The following NRG3 variants were observed in gnomAD, a reference collection of about 807,000 sequenced individuals.
NRG3 encodes neuregulin 3.
Under a neutral mutation model 66.9 loss-of-function variants are expected in NRG3, and 31 were observed. The ratio of observed to expected loss-of-function variants is 0.46; its 90% confidence interval spans 0.35 to 0.63. NRG3 has a LOEUF of 0.63. Among genes scored for constraint, NRG3 ranks in the 20% least tolerant of loss-of-function variants. NRG3 has a pLI of 0.00. For missense variants in NRG3, 910 were observed against 878.9 expected (o/e 1.04, Z -0.45); for synonymous variants, 393 against 359.4 (o/e 1.09, Z -1.06).
intron 4 of NRG3, among the ~76,000 whole-genome samples, chr10:82,876,631 A>G (rs1280375746): frequency 6.6e-6 from 1 of 152,204 alleles, no homozygotes; most frequent in Non-Finnish European, 1.5e-5. Flanking sequence ...AAATATCTCA[A>G]CTGCACGTGA....
chr10:82,897,574 A>G (rs1843781522), intron 4 of NRG3, among the ~76,000 whole-genome samples: 1 of 152,114 alleles, frequency 6.6e-6, no homozygotes, highest in Non-Finnish European at 1.5e-5. Context: ...GCTGAAGTGC[A>G]GTGGTGGGAT....
intron 2 of NRG3, among the ~76,000 whole-genome samples, chr10:82,526,346 A>T (rs544006884): frequency 6.3e-4 from 95 of 151,968 alleles, no homozygotes; most frequent in African/African-American, 2.0e-3. Context: ...ATTAAAATTG[A>T]AAGTACAAAT....
intron 2 of NRG3, among the ~76,000 whole-genome samples, chr10:82,481,360 G>A (rs553048667): frequency 4.6e-5 from 7 of 152,194 alleles, no homozygotes; most frequent in East Asian, 1.9e-4. Flanking sequence ...AAAGTGCAGC[G>A]TGTCTGATCC....
chr10:82,364,062 A>T (rs1187606417), intron 2 of NRG3, among the ~76,000 whole-genome samples: 6 of 152,142 alleles, frequency 3.9e-5, no homozygotes, highest in Non-Finnish European at 7.3e-5. Context: ...AAATTTTCTA[A>T]CATCTCTATA....
chr10:82,499,887 A>G (rs969366034), intron 2 of NRG3, among the ~76,000 whole-genome samples: 3 of 152,192 alleles, frequency 2.0e-5, no homozygotes, highest in African/African-American at 4.8e-5. Context: ...GTGATAATCT[A>G]ACAAAGAGTT....
chr10:82,202,884 A>C (rs2074918913), intron 1 of NRG3, among the ~76,000 whole-genome samples: 1 of 152,194 alleles, frequency 6.6e-6, no homozygotes, highest in African/African-American at 2.4e-5. Context: ...CTATTAGACT[A>C]TATAAAAGTC....
At chr10:82,979,757 T>C (rs1837853227) in intron 8 of NRG3, among the ~76,000 whole-genome samples, 1 of 152,202 alleles carries the variant, frequency 6.6e-6, no homozygotes, top group Non-Finnish European at 1.5e-5. Flanking sequence ...GGATGAATGT[T>C]AACCATTATC....
intron 3 of NRG3, among the ~76,000 whole-genome samples, chr10:82,854,131 A>G (rs1164317169): frequency 6.6e-6 from 1 of 152,226 alleles, no homozygotes; most frequent in South Asian, 2.1e-4. Context: ...CACCTAATTA[A>G]TTATGATATA....
intron 4 of NRG3, among the ~76,000 whole-genome samples, chr10:82,866,853 C>G (rs1591774629): frequency 6.6e-6 from 1 of 152,132 alleles, no homozygotes; most frequent in East Asian, 1.9e-4. Flanking sequence ...TGTAAATAAC[C>G]AAACTGAGGT....
At chr10:81,949,669 C>T (rs1849156798) in intron 1 of NRG3, among the ~76,000 whole-genome samples, 1 of 152,032 alleles carries the variant, frequency 6.6e-6, no homozygotes, top group Admixed American at 6.6e-5. Context: ...GTGAAAAAAA[C>T]ACGTTATGAG....
chr10:82,650,415 C>T (rs1345866057), intron 2 of NRG3, among the ~76,000 whole-genome samples: 1 of 152,012 alleles, frequency 6.6e-6, no homozygotes, highest in Non-Finnish European at 1.5e-5. Flanking sequence ...TAGCATCTCA[C>T]TAAGAAGGAA....
At chr10:82,209,801 A>G (rs1156512693) in intron 1 of NRG3, among the ~76,000 whole-genome samples, 2 of 152,258 alleles carry the variant, frequency 1.3e-5, no homozygotes, top group East Asian at 3.9e-4. Context: ...TTTATCTAAA[A>G]ACCTTTCAGT....
At chr10:82,846,846 T>C (rs2063331562) in intron 3 of NRG3, among the ~76,000 whole-genome samples, 1 of 152,210 alleles carries the variant, frequency 6.6e-6, no homozygotes, top group African/African-American at 2.4e-5. Flanking sequence ...CCACATAGAA[T>C]ATACAAAATA....
rs972483889 is a variant in NRG3, at chr10:82,986,944, C to G, written c.*1339C>G. The G allele has an allele frequency of 3.3e-5, 5 of 152,180 alleles. No homozygotes were observed. The East Asian group carries it at 7.7e-4, about 24-fold the overall frequency. 9.4% of individuals were successfully genotyped at this position (152,180 alleles called of 1,614,324 possible). A position where few individuals can be genotyped will look rare whatever the true frequency, so the allele number is the denominator to read the frequency against. ...CCCAGACTATTCAGTTCACAAGAAGCCCCCCAAAAGAACAGTAAATTGTGT... is the reference window on the plus strand; with the variant it reads ...CCCAGACTATTCAGTTCACAAGAAGGCCCCCAAAAGAACAGTAAATTGTGT... On this transcript the variant is annotated 3_prime_UTR_variant, in exon 9 of 9. Coordinates refer to ENST00000372141, the MANE Select transcript of NRG3 (RefSeq NM_001010848.4).
At chr10:82,349,584 G>T (rs1254822032) in intron 1 of NRG3, among the ~76,000 whole-genome samples, 2 of 151,946 alleles carry the variant, frequency 1.3e-5, no homozygotes, top group Non-Finnish European at 2.9e-5. Context: ...GAGCTGTGGT[G>T]GGCTCCACCC....
intron 2 of NRG3, among the ~76,000 whole-genome samples, chr10:82,591,470 G>A (rs2046980722): frequency 6.6e-6 from 1 of 152,170 alleles, no homozygotes; most frequent in Non-Finnish European, 1.5e-5. Flanking sequence ...CTTGAAATTA[G>A]TAAACTCAAT....
intron 1 of NRG3, among the ~76,000 whole-genome samples, chr10:81,892,496 T>TA (rs1360536059): frequency 6.6e-6 from 1 of 152,030 alleles, no homozygotes; most frequent in Non-Finnish European, 1.5e-5. Flanking sequence ...AACAGAGGGC[T>TA]AAAAAATGGT....
intron 3 of NRG3, among the ~76,000 whole-genome samples, chr10:82,848,338 G>A (rs1054650021): frequency 1.3e-5 from 2 of 152,210 alleles, no homozygotes; most frequent in African/African-American, 4.8e-5. Context: ...TCATTTTGGA[G>A]CTTTATGATT....
chr10:82,144,307 A>AT (rs1277402414), intron 1 of NRG3, among the ~76,000 whole-genome samples: 1 of 152,144 alleles, frequency 6.6e-6, no homozygotes, highest in Non-Finnish European at 1.5e-5. Flanking sequence ...TCTATCTTAT[A>AT]TTAAGTGATC....
Sources: gnomAD v4.1 joint callset for allele counts (sites outside exome capture counted in the v4.1 genomes callset) on GRCh38, gnomAD v4.1.1 for gene constraint, MANE v1.5 for transcripts, NCBI Gene and HGNC (gene_info 2026-07-23, HGNC 2026-07-21) for gene names.